Variants in CSMD1 observed in about 807,000 individuals in gnomAD.
CSMD1 encodes CUB and Sushi multiple domains 1, also known as CUB and sushi domain-containing protein 1.
CSMD1 carries 213 observed loss-of-function variants against 417.5 expected under a neutral mutation model. The observed-to-expected ratio is 0.51, with a 90% CI of 0.46 to 0.57. The LOEUF (loss-of-function observed/expected upper bound fraction) is 0.57. Among genes scored for constraint, CSMD1 ranks in the 20% least tolerant of loss-of-function variants. The probability of loss-of-function intolerance (pLI) is 0.00; values close to 1 mark genes in which losing one functional copy is unlikely to be tolerated. For missense variants in CSMD1, 6,923 were observed against 4,529.7 expected (o/e 1.53, Z -15.17); for synonymous variants, 2,862 against 1,736.8 (o/e 1.65, Z -16.11).
intron 18 of CSMD1, among the ~76,000 whole-genome samples, chr8:3,384,509 A>G (rs569037915): frequency 1.3e-5 from 2 of 151,186 alleles, no homozygotes; most frequent in African/African-American, 4.9e-5. Context: ...GTTTATCATT[A>G]GTTTTTCATA....
chr8:2,963,207 T>G lies in CSMD1; in HGVS notation c.9454+15A>C. Reference sequence around the variant, plus strand: ...GACCTGCAGTGGGCGGAACAAATTCTGCTGTAGAACTTACGGAGACACTGG... The same window carrying G: ...GACCTGCAGTGGGCGGAACAAATTCGGCTGTAGAACTTACGGAGACACTGG... On this transcript the variant is annotated intron_variant, in intron 60 of 69. Coordinates refer to ENST00000635120, the MANE Select transcript of CSMD1 (RefSeq NM_033225.6). 1.2e-6 allele frequency: 2 copies of G among 1,613,200 alleles called. No homozygotes were observed. The highest frequency in any genetic ancestry group is 1.7e-6 in the Non-Finnish European group (2 of 1,179,274).
chr8:3,978,046 C>G (rs890173434), intron 5 of CSMD1, among the ~76,000 whole-genome samples: 1 of 152,140 alleles, frequency 6.6e-6, no homozygotes, highest in African/African-American at 2.4e-5. Context: ...TCATAGCTTC[C>G]TCAAAAAGCA....
At chr8:3,905,674 C>G (rs1584942941) in intron 5 of CSMD1, among the ~76,000 whole-genome samples, 1 of 152,180 alleles carries the variant, frequency 6.6e-6, no homozygotes, top group Non-Finnish European at 1.5e-5. Context: ...AGTCCAGGAA[C>G]CACTCTTTGA....
chr8:4,600,181 G>C (rs1001853414), intron 2 of CSMD1, among the ~76,000 whole-genome samples: 4 of 151,822 alleles, frequency 2.6e-5, no homozygotes, highest in Non-Finnish European at 5.9e-5. Flanking sequence ...GAACAGGAGT[G>C]CAAATGTCAA....
intron 42 of CSMD1, among the ~76,000 whole-genome samples, chr8:3,114,480 C>T (rs1816733893): frequency 6.6e-6 from 1 of 150,426 alleles, no homozygotes; most frequent in Non-Finnish European, 1.5e-5. Flanking sequence ...TATCTTGACT[C>T]TCAATATATC....
intron 10 of CSMD1, among the ~76,000 whole-genome samples, chr8:3,547,922 A>G (rs1196277933): frequency 6.6e-6 from 1 of 152,226 alleles, no homozygotes; most frequent in Non-Finnish European, 1.5e-5. Flanking sequence ...GCACCATGCC[A>G]TATCCTGATG....
chr8:4,369,965 C>G (rs1242000220), intron 3 of CSMD1, among the ~76,000 whole-genome samples: 1 of 152,076 alleles, frequency 6.6e-6, no homozygotes, highest in Non-Finnish European at 1.5e-5. Flanking sequence ...TCAATACTGA[C>G]ACGTGAGAAT....
At chr8:3,568,278 C>G (rs1411763882) in intron 10 of CSMD1, among the ~76,000 whole-genome samples, 6 of 152,144 alleles carry the variant, frequency 3.9e-5, no homozygotes, top group Admixed American at 3.9e-4. Flanking sequence ...CATCAGAACA[C>G]CTGTCAGATC....
At chr8:4,221,532 C>T (rs1008407940) in intron 3 of CSMD1, among the ~76,000 whole-genome samples, 2 of 152,132 alleles carry the variant, frequency 1.3e-5, no homozygotes, top group Non-Finnish European at 2.9e-5. Context: ...AGCACAGAAT[C>T]CCAGGAAGGC....
At chr8:4,303,615 G>T (rs1335222820) in intron 3 of CSMD1, among the ~76,000 whole-genome samples, 1 of 151,844 alleles carries the variant, frequency 6.6e-6, no homozygotes, top group Non-Finnish European at 1.5e-5. Flanking sequence ...CATATGAAGA[G>T]AGTTCTACCA....
intron 1 of CSMD1, among the ~76,000 whole-genome samples, chr8:4,866,785 G>A (rs371029205): frequency 4.0e-5 from 6 of 151,808 alleles, no homozygotes; most frequent in Non-Finnish European, 7.4e-5. Flanking sequence ...GGTAATGGAC[G>A]AAAAGCAAAA....
chr8:3,558,461 C>CAATA (rs1239406260), intron 10 of CSMD1, among the ~76,000 whole-genome samples: 1 of 149,802 alleles, frequency 6.7e-6, no homozygotes, highest in African/African-American at 2.5e-5. Context: ...AATAGTGTCT[C>CAATA]AATAGTACCC....
chr8:4,850,382 C>CTTTTTTTTT, intron 1 of CSMD1, among the ~76,000 whole-genome samples: 164 of 77,794 alleles, frequency 2.1e-3, no homozygotes, highest in African/African-American at 7.1e-3. Context: ...TCCAATTTAT[C>CTTTTTTTTT]TTTTTTTTTT....
chr8:4,137,941 A>G (rs918608940), intron 3 of CSMD1, among the ~76,000 whole-genome samples: 2 of 151,398 alleles, frequency 1.3e-5, no homozygotes, highest in Admixed American at 6.6e-5. Flanking sequence ...GCAGTGGCGC[A>G]ATCTCGGCTC....
intron 2 of CSMD1, among the ~76,000 whole-genome samples, chr8:4,435,035 G>A (rs868269861): frequency 1.3e-5 from 2 of 152,052 alleles, no homozygotes; most frequent in South Asian, 2.1e-4. Flanking sequence ...AGCCAATACT[G>A]TTGAATGTCT....
intron 6 of CSMD1, among the ~76,000 whole-genome samples, chr8:3,749,712 C>T (rs912359699): frequency 1.3e-5 from 2 of 152,082 alleles, no homozygotes; most frequent in African/African-American, 2.4e-5. Context: ...TTCATATAAA[C>T]GAATCATACG....
chr8:3,764,193 G>C (rs560921224), intron 5 of CSMD1, among the ~76,000 whole-genome samples: 1 of 152,226 alleles, frequency 6.6e-6, no homozygotes, highest in Admixed American at 6.5e-5. Flanking sequence ...TGCACCGTAC[G>C]CATTAGGTCA....
chr8:4,132,377 T>G (rs1803163612), intron 3 of CSMD1, among the ~76,000 whole-genome samples: 1 of 152,166 alleles, frequency 6.6e-6, no homozygotes, highest in Non-Finnish European at 1.5e-5. Context: ...ATCTTGACTT[T>G]GTGCCTATTC....
chr8:4,351,558 T>G (rs1363836637), intron 3 of CSMD1, among the ~76,000 whole-genome samples: 1 of 152,232 alleles, frequency 6.6e-6, no homozygotes, highest in African/African-American at 2.4e-5. Flanking sequence ...GCCGGTCAGT[T>G]TGGCTTTAAA....
Sources: gnomAD v4.1 joint callset for allele counts (sites outside exome capture counted in the v4.1 genomes callset) on GRCh38, gnomAD v4.1.1 for gene constraint, MANE v1.5 for transcripts, NCBI Gene and HGNC (gene_info 2026-07-23, HGNC 2026-07-21) for gene names.